Variants in CARMIL1 observed in about 807,000 individuals in gnomAD.
The protein encoded by CARMIL1 is F-actin-uncapping protein LRRC16A.
Under a neutral mutation model 177.1 loss-of-function variants are expected in CARMIL1, and 90 were observed. The observed-to-expected ratio is 0.51, with a 90% CI of 0.43 to 0.61. The LOEUF is 0.61. Ranked by LOEUF, CARMIL1 falls within the 20% of genes least tolerant of loss-of-function variation. CARMIL1 has a pLI of 0.00. For missense variants in CARMIL1, 1,380 were observed against 1,667.0 expected (o/e 0.83, Z 3.00); for synonymous variants, 577 against 606.2 (o/e 0.95, Z 0.71).
At chr6:25,553,966 G>A (rs1274980642) in intron 27 of CARMIL1, 43 bp from the exon 28 acceptor site, 3 of 1,322,304 alleles carry the variant, frequency 2.3e-6, no homozygotes, top group Admixed American at 3.9e-5. Flanking sequence ...TTCCCCTCTT[G>A]CACAAATTAA....
intron 8 of CARMIL1, among the ~76,000 whole-genome samples, chr6:25,454,558 GT>G (rs1799292079): frequency 6.6e-6 from 1 of 152,056 alleles, no homozygotes; most frequent in Admixed American, 6.6e-5. Context: ...ATTTCTCCTT[GT>G]TTTATGATAT....
At chr6:25,502,224 T>C (rs996956604) in intron 17 of CARMIL1, among the ~76,000 whole-genome samples, 6 of 148,436 alleles carry the variant, frequency 4.0e-5, no homozygotes, top group Admixed American at 3.4e-4. Flanking sequence ...AGGGGTGGGA[T>C]AGGTTATTCT....
chr6:25,516,721 G>T (rs557328788), intron 21 of CARMIL1, among the ~76,000 whole-genome samples: 1 of 152,308 alleles, frequency 6.6e-6, no homozygotes, highest in South Asian at 2.1e-4. Flanking sequence ...CATTCTGAAG[G>T]TAAAGTAATA....
intron 2 of CARMIL1, among the ~76,000 whole-genome samples, chr6:25,381,781 C>T (rs1017301429): frequency 6.6e-6 from 1 of 152,130 alleles, no homozygotes; most frequent in Non-Finnish European, 1.5e-5. Context: ...GGTTTTATGG[C>T]GTTTCCATTA....
chr6:25,449,172 C>T (rs1798539986), intron 5 of CARMIL1, among the ~76,000 whole-genome samples: 2 of 152,142 alleles, frequency 1.3e-5, no homozygotes, highest in Admixed American at 6.5e-5. Flanking sequence ...ATTACAGGCT[C>T]AGCCCTGGGG....
Position 25,610,183 on chromosome 6 carries a change from T to G in CARMIL1, c.3979+2T>G. ...GCCCCAGGACATTTTCACAGGAAGG[T>G]AAGGATTGTAAGGATTTCTTTTCTC... is the stretch of plus-strand genomic sequence containing the variant. On this transcript the variant is annotated splice_donor_variant, in intron 36 of 36. Coordinates refer to ENST00000329474, the MANE Select transcript of CARMIL1 (RefSeq NM_017640.6). LOFTEE classifies it high-confidence loss of function. 1 of 1,609,448 alleles carries G rather than the reference T, an allele frequency of 6.2e-7. No individual in the cohort carries two copies.
chr6:25,287,994 C>T (rs1157984161), intron 2 of CARMIL1, among the ~76,000 whole-genome samples: 2 of 152,206 alleles, frequency 1.3e-5, no homozygotes, highest in East Asian at 1.9e-4. Flanking sequence ...TCGAAGCTTA[C>T]AGTCTAGTTG....
intron 29 of CARMIL1, 25 bp downstream of exon 29, chr6:25,556,875 C>A (rs761447413): frequency 6.2e-7 from 1 of 1,605,266 alleles, no homozygotes; most frequent in Non-Finnish European, 8.5e-7. Flanking sequence ...CTGGTGGTAC[C>A]GTTACCCTTT....
intron 9 of CARMIL1, among the ~76,000 whole-genome samples, chr6:25,469,853 A>G (rs903535213): frequency 5.9e-5 from 9 of 152,226 alleles, no homozygotes; most frequent in African/African-American, 2.2e-4. Context: ...GCACAAGCCA[A>G]AATGACTTTT....
At chr6:25,542,489 T>G (rs1382230125) in intron 26 of CARMIL1, among the ~76,000 whole-genome samples, 1 of 152,160 alleles carries the variant, frequency 6.6e-6, no homozygotes, top group Non-Finnish European at 1.5e-5. Flanking sequence ...TTTGCAAATA[T>G]CATAGCATGC....
At chr6:25,466,286 A>G (rs1056284105) in intron 9 of CARMIL1, among the ~76,000 whole-genome samples, 2 of 152,216 alleles carry the variant, frequency 1.3e-5, no homozygotes, top group Admixed American at 1.3e-4. Context: ...TTATATTCCT[A>G]TCTTACACTC....
Position 25,491,831 on chromosome 6 carries a change from A to G in CARMIL1, c.1143+22A>G, listed in dbSNP as rs767016010. On this transcript the variant is annotated intron_variant, in intron 14 of 36. Coordinates refer to ENST00000329474, the MANE Select transcript of CARMIL1 (RefSeq NM_017640.6). ...CATGGTAAATTTAAAATATATATAT[A>G]TCTTGCTCTGAGGGGTCTCAGAAGA... 91 of 1,547,398 alleles carry G rather than the reference A, an allele frequency of 5.9e-5. No individual in the cohort carries two copies. In the East Asian group the frequency reaches 2.1e-3, roughly 36 times the overall value.
At chr6:25,430,689 C>T (rs1355024773) in intron 4 of CARMIL1, among the ~76,000 whole-genome samples, 1 of 152,134 alleles carries the variant, frequency 6.6e-6, no homozygotes, top group Non-Finnish European at 1.5e-5. Context: ...CCTCAGCCTC[C>T]CAAAGTACTG....
chr6:25,280,620 C>A (rs1265535560), intron 1 of CARMIL1, among the ~76,000 whole-genome samples: 1 of 148,930 alleles, frequency 6.7e-6, no homozygotes, highest in Non-Finnish European at 1.5e-5. Context: ...GGGGGCGGGG[C>A]TGGTTAAGTC....
At chr6:25,361,376 T>C (rs1262578371) in intron 2 of CARMIL1, among the ~76,000 whole-genome samples, 2 of 152,044 alleles carry the variant, frequency 1.3e-5, no homozygotes, top group Non-Finnish European at 2.9e-5. Context: ...GTCTTTACCT[T>C]TCCCCCCCTG....
chr6:25,421,685 T>C (rs1795868421), intron 3 of CARMIL1, among the ~76,000 whole-genome samples: 1 of 73,584 alleles, frequency 1.4e-5, no homozygotes, highest in East Asian at 4.6e-4. Flanking sequence ...CATGGAATAC[T>C]ACGCAGCCAT....
Position 25,604,948 on chromosome 6 carries a change from C to T in CARMIL1, c.3634+55C>T, listed in dbSNP as rs113756079. The T allele has an allele frequency of 1.4e-3, 2,019 of 1,393,478 alleles. 15 individuals carry two copies. The African/African-American group carries it at 0.021, about 14-fold the overall frequency. 86.3% of individuals were successfully genotyped at this position (1,393,478 alleles called of 1,614,324 possible). On this transcript the variant is annotated intron_variant, in intron 34 of 36. Coordinates refer to ENST00000329474, the MANE Select transcript of CARMIL1 (RefSeq NM_017640.6). The stretch of plus-strand genomic sequence containing the variant: ...AGGAAAAGCGCTTACCTTCTGATTG[C>T]AGAGTCACATGATTGACAGAAGAAA...
chr6:25,409,849 C>T (rs4368803), intron 2 of CARMIL1, among the ~76,000 whole-genome samples: 49,935 of 151,934 alleles, frequency 0.33, 8,683 homozygotes, highest in Middle Eastern at 0.42. Context: ...TTGGTTTAGT[C>T]TGTCATATTA....
chr6:25,322,519 CAAA>C (rs1784770945), intron 2 of CARMIL1, among the ~76,000 whole-genome samples: 1 of 152,176 alleles, frequency 6.6e-6, no homozygotes, highest in Non-Finnish European at 1.5e-5. Context: ...TACACACACA[CAAA>C]AATACACAAA....
Sources: gnomAD v4.1 joint callset for allele counts (sites outside exome capture counted in the v4.1 genomes callset) on GRCh38, gnomAD v4.1.1 for gene constraint, MANE v1.5 for transcripts, NCBI Gene and HGNC (gene_info 2026-07-23, HGNC 2026-07-21) for gene names.